Variants in SNRPN observed in about 807,000 individuals in gnomAD.
SNRPN encodes the protein small nuclear ribonucleoprotein-associated protein N.
In SNRPN, 7 loss-of-function variants were observed where a neutral mutation model predicts 25.2. That is an observed-to-expected ratio of 0.28 (90% CI 0.16 to 0.52). The LOEUF is 0.52. SNRPN is among the 20% of genes least tolerant of loss of function. The pLI is 0.96. For synonymous variants in SNRPN, 124 were observed against 110.6 expected, an observed-to-expected ratio of 1.12 and a Z score of -0.76; for missense variants, 196 against 322.5, an observed-to-expected ratio of 0.61 and a Z score of 3.00.
chr15:24,977,897 C>T lies in SNRPN; in HGVS notation c.540C>T (p.Gly180=), dbSNP rs1032751642. The stretch of plus-strand genomic sequence containing the variant: ...GGGGCACTCCGCCCCCACCCGTCGG[C>T]AGAGCAACCCCACCTCCAGGTAAGG... ...PGRGTPPPPV[G]RATPPPGIMA... is the part of the protein sequence containing the mutation. The change falls in exon 8 of 10, where the codon GGC becomes GGT. Residue 180 remains glycine, a synonymous_variant. Transcript: ENST00000390687. 6.4e-7 allele frequency: 1 copy of T among 1,571,890 alleles called. No individual in the cohort carries two copies. Among genetic ancestry groups the T allele is most frequent in the African/African-American group, 1.4e-5 (1 of 73,274 alleles).
chr15:24,949,859 A>C, intron 3 of SNRPN, among the ~76,000 whole-genome samples: 1 of 148,734 alleles, frequency 6.7e-6, no homozygotes, highest in Non-Finnish European at 1.5e-5. Context: ...AACGGGTCTC[A>C]CTCTGTTGCC....
chr15:24,855,275 A>T (rs1221897563), upstream of SNRPN, among the ~76,000 whole-genome samples: 1 of 152,156 alleles, frequency 6.6e-6, no homozygotes, highest in Non-Finnish European at 1.5e-5. Flanking sequence ...ATTAATCTAC[A>T]GGTTTTATGG....
At chr15:24,830,031 A>C (rs1400141515) in intron 2 of SNRPN, 1 of 152,136 alleles carries the variant, frequency 6.6e-6, no homozygotes, top group Non-Finnish European at 1.5e-5. Flanking sequence ...CACGTTTGTC[A>C]GTGTACGTGC....
At chr15:24,892,161 G>A (rs1336827627) in intron 2 of SNRPN, among the ~76,000 whole-genome samples, 1 of 152,172 alleles carries the variant, frequency 6.6e-6, no homozygotes, top group East Asian at 1.9e-4. Flanking sequence ...CCACCCATCT[G>A]AGTGGATAAA....
At chr15:24,884,575 T>C (rs919300153) in intron 1 of SNRPN, among the ~76,000 whole-genome samples, 1 of 152,166 alleles carries the variant, frequency 6.6e-6, no homozygotes, top group Admixed American at 6.5e-5. Flanking sequence ...ACCAGCATGA[T>C]CTTCTGAAGC....
At chr15:24,915,535 C>A (rs1274086305) in intron 2 of SNRPN, among the ~76,000 whole-genome samples, 1 of 152,114 alleles carries the variant, frequency 6.6e-6, no homozygotes, top group African/African-American at 2.4e-5. Context: ...AGCAGAGAAA[C>A]TTTGTCATCC....
intron 1 of SNRPN, among the ~76,000 whole-genome samples, chr15:24,865,056 T>C (rs1325783968): frequency 1.3e-5 from 2 of 151,144 alleles, no homozygotes; most frequent in Admixed American, 6.6e-5. Flanking sequence ...CTTTTTTTTT[T>C]TTTTTTTTGA....
chr15:24,867,177 T>A (rs2054643881), intron 1 of SNRPN, among the ~76,000 whole-genome samples: 1 of 152,216 alleles, frequency 6.6e-6, no homozygotes, highest in South Asian at 2.1e-4. Flanking sequence ...ATGGTAGTTC[T>A]ATTTTTAATT....
At position 24,974,331 on chromosome 15, in the gene SNRPN, C is replaced by A; in HGVS notation, c.-123C>A. 1.2e-6 allele frequency: 1 copy of A among 864,786 alleles called. No individual in the cohort carries two copies. Among genetic ancestry groups the A allele is most frequent in the South Asian group, 1.4e-5 (1 of 73,444 alleles). The allele number at this position is 864,786 out of a possible 1,614,324, so 53.6% of individuals were successfully genotyped here. On this transcript the variant is annotated 5_prime_UTR_variant, in exon 4 of 10. Coordinates refer to ENST00000390687, the MANE Select transcript of SNRPN (RefSeq NM_003097.6). Reference sequence around the variant, plus strand: ...TGCAGGCTCCATCTACTCTTTGAAGCTTCTGCCCAGCTTGCATTGTTTCTA... The same window carrying A: ...TGCAGGCTCCATCTACTCTTTGAAGATTCTGCCCAGCTTGCATTGTTTCTA...
intron 2 of SNRPN, among the ~76,000 whole-genome samples, chr15:24,918,103 A>C (rs2059645335): frequency 6.6e-6 from 1 of 151,578 alleles, no homozygotes; most frequent in South Asian, 2.1e-4. Flanking sequence ...TTTTAATGAG[A>C]CTCCTCTTAT....
intron 2 of SNRPN, among the ~76,000 whole-genome samples, chr15:24,897,890 C>T (rs1252564930): frequency 6.6e-6 from 1 of 152,136 alleles, no homozygotes; most frequent in Non-Finnish European, 1.5e-5. Flanking sequence ...ATTACCCAGT[C>T]TCAGATATGT....
upstream of SNRPN, chr15:24,851,893 CCTGAATG>C (rs1484873634): frequency 1.3e-5 from 2 of 152,174 alleles, no homozygotes; most frequent in Non-Finnish European, 2.9e-5. Context: ...CCCATCCCAC[CCTGAATG>C]CAGGTTCCTT....
intron 2 of SNRPN, among the ~76,000 whole-genome samples, chr15:24,831,406 G>A (rs1595343492): frequency 6.6e-6 from 1 of 152,050 alleles, no homozygotes; most frequent in Non-Finnish European, 1.5e-5. Flanking sequence ...CATGATGTTT[G>A]AAGAATAATA....
chr15:24,951,568 C>T (rs34383778), upstream of SNRPN, among the ~76,000 whole-genome samples: 48,463 of 150,600 alleles, frequency 0.32, 8,175 homozygotes, highest in East Asian at 0.51. Context: ...AGTGCAGTGG[C>T]GTGATCTGGG....
At chr15:24,888,769 C>T (rs763949755) in intron 2 of SNRPN, among the ~76,000 whole-genome samples, 53 of 152,104 alleles carry the variant, frequency 3.5e-4, no homozygotes, top group Admixed American at 1.3e-3. Context: ...CTAGTTTCCT[C>T]GTAAACACAA....
chr15:24,868,073 C>G (rs1364971989), intron 1 of SNRPN, among the ~76,000 whole-genome samples: 1 of 150,624 alleles, frequency 6.6e-6, no homozygotes, highest in Non-Finnish European at 1.5e-5. Context: ...ATGAGGTATT[C>G]TTATGTTTAT....
chr15:24,900,247 C>A (rs148734079), intron 2 of SNRPN, among the ~76,000 whole-genome samples: 3 of 152,124 alleles, frequency 2.0e-5, no homozygotes, highest in Non-Finnish European at 4.4e-5. Context: ...GTTCAAGCCA[C>A]GGTTTGAAAA....
intron 2 of SNRPN, chr15:24,850,602 A>G (rs1307776025): frequency 1.3e-5 from 2 of 152,318 alleles, no homozygotes; most frequent in Non-Finnish European, 2.9e-5. Flanking sequence ...GGCGTGAGCC[A>G]CTGCACCCGG....
In SNRPN at chr15:24,977,891, C is replaced by T. The variant is rs35757423; in HGVS notation, c.534C>T (p.Pro178=). ...CAGGACGGGGCACTCCGCCCCCACC[C>T]GTCGGCAGAGCAACCCCACCTCCAG... ...YPPGRGTPPP[P]VGRATPPPGI... is the part of the protein sequence containing the mutation. Residue 178 remains proline (P), a synonymous_variant, in exon 8 of 10, where the codon CCC becomes CCT. Coordinates refer to ENST00000390687, the MANE Select transcript of SNRPN (RefSeq NM_003097.6). The T allele has an allele frequency of 3.8e-4, 601 of 1,580,206 alleles. 2 individuals carry two copies. The African/African-American group carries it at 7.1e-3, about 19-fold the overall frequency.
Sources: gnomAD v4.1 joint callset for allele counts (sites outside exome capture counted in the v4.1 genomes callset) on GRCh38, gnomAD v4.1.1 for gene constraint, MANE v1.5 for transcripts, NCBI Gene and HGNC (gene_info 2026-07-23, HGNC 2026-07-21) for gene names.